The following TGFBR2 variants were observed in gnomAD, a reference collection of about 807,000 sequenced individuals.
TGFBR2 encodes transforming growth factor beta receptor 2, also known as TGF-beta receptor type-2.
A neutral mutation model predicts 49.0 loss-of-function variants in TGFBR2; 18 were observed. The ratio of observed to expected loss-of-function variants is 0.37; its 90% confidence interval spans 0.25 to 0.54. TGFBR2 has a LOEUF of 0.54. Among genes scored for constraint, TGFBR2 ranks in the 20% least tolerant of loss-of-function variants. The pLI is 0.85. For synonymous variants in TGFBR2, 282 were observed against 275.9 expected, an observed-to-expected ratio of 1.02 and a Z score of -0.22; for missense variants, 525 against 722.6, an observed-to-expected ratio of 0.73 and a Z score of 3.13.
At chr3:30,660,977 G>A (rs1699113044) in intron 3 of TGFBR2, among the ~76,000 whole-genome samples, 1 of 152,200 alleles carries the variant, frequency 6.6e-6, no homozygotes, top group African/African-American at 2.4e-5. Context: ...GGGAGAGAGA[G>A]AGGATGTATT....
chr3:30,651,343 A>G (rs1170759446), intron 3 of TGFBR2, among the ~76,000 whole-genome samples: 4 of 152,090 alleles, frequency 2.6e-5, no homozygotes, highest in Middle Eastern at 3.4e-3. Context: ...CATTCATATT[A>G]TCTCCCACTC....
At chr3:30,653,690 A>G (rs921391585) in intron 3 of TGFBR2, among the ~76,000 whole-genome samples, 7 of 152,200 alleles carry the variant, frequency 4.6e-5, no homozygotes, top group African/African-American at 1.7e-4. Context: ...CAGCTACACA[A>G]TGGATGATAA....
At position 30,671,816 on chromosome 3, in the gene TGFBR2, G is replaced by A. The variant is rs1699343725; in HGVS notation, c.633G>A (p.Glu211=). Residue 211 remains glutamate, a synonymous_variant, in exon 4 of 7, where the codon GAG becomes GAA. Transcript: ENST00000295754. ...CCGGCAAGACGCGGAAGCTCATGGA[G>A]TTCAGCGAGCACTGTGCCATCATCC... ...WETGKTRKLM[E]FSEHCAIILE... 1 of 1,614,232 alleles carries A rather than the reference G, an allele frequency of 6.2e-7. No homozygotes were observed. The highest frequency in any genetic ancestry group is 8.5e-7 in the Non-Finnish European group (1 of 1,180,036).
chr3:30,610,287 T>C (rs555846825), intron 1 of TGFBR2, among the ~76,000 whole-genome samples: 20 of 150,244 alleles, frequency 1.3e-4, no homozygotes, highest in African/African-American at 4.9e-4. Context: ...TATGGAATAC[T>C]GGTGTTTTAT....
At chr3:30,665,624 A>G (rs1262968681) in intron 3 of TGFBR2, among the ~76,000 whole-genome samples, 1 of 152,190 alleles carries the variant, frequency 6.6e-6, no homozygotes, top group Non-Finnish European at 1.5e-5. Flanking sequence ...AGCACAACAA[A>G]TCAAGCCAGG....
chr3:30,640,309 T>A (rs554701917), intron 1 of TGFBR2, among the ~76,000 whole-genome samples: 56 of 152,270 alleles, frequency 3.7e-4, no homozygotes, highest in Non-Finnish European at 6.5e-4. Context: ...ACTTTATGAA[T>A]AACGAATTTG....
At chr3:30,637,773 A>G (rs1027015081) in intron 1 of TGFBR2, among the ~76,000 whole-genome samples, 1 of 152,080 alleles carries the variant, frequency 6.6e-6, no homozygotes, top group African/African-American at 2.4e-5. Flanking sequence ...TCTTCTCTTG[A>G]TGAGTGGTTA....
At chr3:30,671,088 T>G (rs1021942012) in intron 3 of TGFBR2, among the ~76,000 whole-genome samples, 1 of 152,232 alleles carries the variant, frequency 6.6e-6, no homozygotes, top group African/African-American at 2.4e-5. Context: ...CTGTGTCATT[T>G]TTTTTCATGT....
At chr3:30,642,008 A>G (rs1004375350) in intron 1 of TGFBR2, among the ~76,000 whole-genome samples, 1 of 151,690 alleles carries the variant, frequency 6.6e-6, no homozygotes, top group Admixed American at 6.6e-5. Context: ...TTCTGCAAGC[A>G]TCGGACTTAA....
At chr3:30,624,481 T>C (rs1698292833) in intron 1 of TGFBR2, among the ~76,000 whole-genome samples, 1 of 152,008 alleles carries the variant, frequency 6.6e-6, no homozygotes, top group Non-Finnish European at 1.5e-5. Flanking sequence ...CTGGGCGTGG[T>C]GGCACGTGCC....
intron 3 of TGFBR2, among the ~76,000 whole-genome samples, chr3:30,667,917 C>T (rs1474493209): frequency 1.3e-5 from 2 of 152,140 alleles, no homozygotes; most frequent in Non-Finnish European, 2.9e-5. Context: ...ATTAAAATAA[C>T]ACCTCTAGAA....
At chr3:30,646,223 C>G (rs13100576) in intron 2 of TGFBR2, among the ~76,000 whole-genome samples, 52,760 of 151,950 alleles carry the variant, frequency 0.35, 9,553 homozygotes, top group East Asian at 0.69. Context: ...GTACATACCA[C>G]GGGATGAACT....
At chr3:30,636,792 T>C (rs577122569) in intron 1 of TGFBR2, among the ~76,000 whole-genome samples, 244 of 150,750 alleles carry the variant, frequency 1.6e-3, no homozygotes, top group East Asian at 2.2e-3. Context: ...AGGCCAGGCG[T>C]GGTGGCTCAA....
intron 2 of TGFBR2, among the ~76,000 whole-genome samples, chr3:30,647,407 C>G (rs1167811289): frequency 6.6e-6 from 1 of 152,154 alleles, no homozygotes; most frequent in Non-Finnish European, 1.5e-5. Flanking sequence ...CCAAAAACCT[C>G]CTGCACAGAA....
intron 3 of TGFBR2, among the ~76,000 whole-genome samples, chr3:30,669,502 C>T (rs1397178815): frequency 2.0e-5 from 3 of 152,070 alleles, no homozygotes; most frequent in South Asian, 4.1e-4. Context: ...TTTATAGTCC[C>T]GTTTGAAGAG....
chr3:30,642,359 C>G (rs1353058711), intron 1 of TGFBR2, among the ~76,000 whole-genome samples: 1 of 152,146 alleles, frequency 6.6e-6, no homozygotes, highest in Non-Finnish European at 1.5e-5. Context: ...TTTTTTCCAA[C>G]TAACTATAGG....
At chr3:30,679,761 G>A (rs1306973706) in intron 5 of TGFBR2, among the ~76,000 whole-genome samples, 2 of 152,230 alleles carry the variant, frequency 1.3e-5, no homozygotes, top group Non-Finnish European at 2.9e-5. Context: ...CCTGTTGTCT[G>A]ACTCTGTAGC....
At chr3:30,625,574 C>A (rs75194030) in intron 1 of TGFBR2, among the ~76,000 whole-genome samples, 2,354 of 152,236 alleles carry the variant, frequency 0.015, 24 homozygotes, top group Non-Finnish European at 0.026. Flanking sequence ...AGGATTCCCA[C>A]CCTTTAAAAA....
At chr3:30,678,877 C>T (rs1297381621) in intron 5 of TGFBR2, among the ~76,000 whole-genome samples, 2 of 152,146 alleles carry the variant, frequency 1.3e-5, no homozygotes, top group African/African-American at 4.8e-5. Context: ...CATTACAGTA[C>T]TCACTACTTG....
Sources: allele counts gnomAD v4.1 joint callset (sites outside exome capture counted in the v4.1 genomes callset), GRCh38; gene constraint gnomAD v4.1.1; transcripts MANE v1.5; gene names NCBI Gene and HGNC (gene_info 2026-07-23, HGNC 2026-07-21).